The following DSCAML1 variants were observed in gnomAD, a reference collection of about 807,000 sequenced individuals.
The protein encoded by DSCAML1 is cell adhesion molecule DSCAML1.
Under a neutral mutation model 200.5 loss-of-function variants are expected in DSCAML1, and 38 were observed. That is an observed-to-expected ratio of 0.19 (90% CI 0.15 to 0.25). The LOEUF (loss-of-function observed/expected upper bound fraction) is 0.25, where lower values mean the gene tolerates loss of function less well. DSCAML1 is among the 10% of genes least tolerant of loss of function. The probability of loss-of-function intolerance (pLI) is 1.00; values close to 1 mark genes in which losing one functional copy is unlikely to be tolerated. For synonymous variants in DSCAML1, 1,215 were observed against 1,165.0 expected (o/e 1.04, Z -0.87); for missense variants, 2,223 against 2,858.8 (o/e 0.78, Z 5.07).
chr11:117,491,755 C>T (rs539039686), intron 11 of DSCAML1, among the ~76,000 whole-genome samples: 47 of 152,336 alleles, frequency 3.1e-4, no homozygotes, highest in Non-Finnish European at 6.0e-4. Flanking sequence ...GCCTGTACAA[C>T]AGAGTGAGAC....
At chr11:117,486,752 A>G (rs1199845848) in intron 11 of DSCAML1, among the ~76,000 whole-genome samples, 1 of 152,140 alleles carries the variant, frequency 6.6e-6, no homozygotes, top group East Asian at 1.9e-4. Flanking sequence ...TGCAGAGCCC[A>G]GATGAAGACC....
At chr11:117,457,237 G>T (rs566184040) in intron 19 of DSCAML1, among the ~76,000 whole-genome samples, 1 of 152,234 alleles carries the variant, frequency 6.6e-6, no homozygotes, top group African/African-American at 2.4e-5. Context: ...TTGGGCCCGG[G>T]CTCCTGCTGT....
intron 3 of DSCAML1, among the ~76,000 whole-genome samples, chr11:117,596,040 G>T (rs78144220): frequency 0.026 from 3,891 of 152,258 alleles, 78 homozygotes; most frequent in Non-Finnish European, 0.039. Context: ...AAACATTCCT[G>T]GGAAAGAGAT....
intron 3 of DSCAML1, among the ~76,000 whole-genome samples, chr11:117,560,769 T>C (rs2050647488): frequency 6.6e-6 from 1 of 152,186 alleles, no homozygotes. Context: ...TTAGGGGCAA[T>C]GGTTTTCATC....
Position 117,463,783 on chromosome 11 carries a change from G to A in DSCAML1, c.3265+1159C>T, listed in dbSNP as rs754318810. Among the ~76,000 whole-genome samples, 7 of 152,186 alleles carry A rather than the reference G, an allele frequency of 4.6e-5. No individual in the cohort carries two copies. Among genetic ancestry groups the A allele is most frequent in the Non-Finnish European group, 8.8e-5 (6 of 68,040 alleles). ...TCTCCCCTCTTCTCAGGTGCTCAGT[G>A]CTCTGGGGCTATTGAAGTCGGCCCC... is the stretch of plus-strand genomic sequence containing the variant. On this transcript the variant is annotated intron_variant, in intron 17 of 32. Coordinates refer to ENST00000651296, the MANE Select transcript of DSCAML1 (RefSeq NM_020693.4). The surrounding 1 kb of genome is among the most constrained non-coding windows in gnomAD (Gnocchi z 4.0).
In DSCAML1 at chr11:117,524,881, C is replaced by A. The variant is rs2049946924; in HGVS notation, c.861G>T (p.Glu287Asp). The part of the protein sequence containing the change: ...TGLTISDLRT[E>D]DSGTYICEVT... ...CCTCACAAATGTAGGTGCCGCTGTC[C>A]TCGGTCCGCAAGTCGCTGATGGTCA... The change falls in exon 5 of 33, where the codon GAG (glutamate) becomes GAT (aspartate). Residue 287 changes from glutamate to aspartate, a missense_variant. Physicochemically the swap from Glu to Asp is conservative, Grantham distance 45 (BLOSUM62 2). Transcript: ENST00000651296. 1 of 1,610,598 alleles carries A rather than the reference C, an allele frequency of 6.2e-7. No homozygotes were observed. The highest frequency in any genetic ancestry group is 1.7e-5 in the Admixed American group (1 of 59,552).
chr11:117,769,240 TTATATATG>T (rs1212413034), intron 3 of DSCAML1, among the ~76,000 whole-genome samples: 53,902 of 73,876 alleles, frequency 0.73, 19,529 homozygotes, highest in South Asian at 0.85. Flanking sequence ...ATTATATATT[TTATATATG>T]TATATATTAT....
In DSCAML1 at chr11:117,458,447, C is replaced by G. The variant is rs373409986; in HGVS notation, c.3568+307G>C. ...AAGCAGGCTGAATCTTGCAGGGGAGCAGATGCCACAGAAAGAATGCCCATG... is the reference window on the plus strand; with the variant it reads ...AAGCAGGCTGAATCTTGCAGGGGAGGAGATGCCACAGAAAGAATGCCCATG... On this transcript the variant is annotated intron_variant, in intron 19 of 32. Coordinates refer to ENST00000651296, the MANE Select transcript of DSCAML1 (RefSeq NM_020693.4). Among the ~76,000 whole-genome samples, 346 of 152,274 alleles carry G rather than the reference C, an allele frequency of 2.3e-3. 1 individual carries two copies. In the Middle Eastern group the frequency reaches 0.024, roughly 10 times the overall value.
At chr11:117,471,445 T>G in intron 15 of DSCAML1, among the ~76,000 whole-genome samples, 1 of 152,242 alleles carries the variant, frequency 6.6e-6, no homozygotes, top group East Asian at 1.9e-4. Context: ...GTGCTGTGAT[T>G]ACAGGCATAA....
chr11:117,650,160 C>T (rs939065107), intron 3 of DSCAML1, among the ~76,000 whole-genome samples: 2 of 152,168 alleles, frequency 1.3e-5, no homozygotes, highest in Non-Finnish European at 2.9e-5. Flanking sequence ...GTTCCCAGGC[C>T]CCGCCCTGTG....
chr11:117,812,397 A>G (rs2055768717), intron 1 of DSCAML1, among the ~76,000 whole-genome samples: 1 of 152,156 alleles, frequency 6.6e-6, no homozygotes, highest in South Asian at 2.1e-4. Context: ...CTTACAAGTT[A>G]GTTCAGGATC....
chr11:117,809,562 C>G (rs2055738800), intron 1 of DSCAML1, among the ~76,000 whole-genome samples: 1 of 152,228 alleles, frequency 6.6e-6, no homozygotes, highest in South Asian at 2.1e-4. Context: ...TCAAATTCTC[C>G]ACTACACAGG....
intron 3 of DSCAML1, among the ~76,000 whole-genome samples, chr11:117,636,778 G>C (rs1384717942): frequency 6.6e-6 from 1 of 152,148 alleles, no homozygotes; most frequent in Admixed American, 6.5e-5. Flanking sequence ...TTTGTAAACT[G>C]TGAATTTTAC....
At chr11:117,694,093 A>ATAT (rs1555199525) in intron 3 of DSCAML1, among the ~76,000 whole-genome samples, 1 of 146,372 alleles carries the variant, frequency 6.8e-6, no homozygotes, top group Non-Finnish European at 1.5e-5. Flanking sequence ...ATATATATAT[A>ATAT]TTTTTTAAAT....
intron 3 of DSCAML1, among the ~76,000 whole-genome samples, chr11:117,775,580 A>C (rs941892685): frequency 3.3e-5 from 5 of 152,042 alleles, no homozygotes; most frequent in Non-Finnish European, 7.4e-5. Context: ...ACTGAGTGTA[A>C]AAGGCAAATT....
At chr11:117,650,888 A>G (rs678327) in intron 3 of DSCAML1, among the ~76,000 whole-genome samples, 94,588 of 151,950 alleles carry the variant, frequency 0.62, 29,708 homozygotes, top group East Asian at 0.75. Flanking sequence ...GTTCAGAATC[A>G]CCCAAACAGG....
chr11:117,509,290 G>C (rs2049570866), intron 8 of DSCAML1, among the ~76,000 whole-genome samples: 1 of 152,152 alleles, frequency 6.6e-6, no homozygotes, highest in Non-Finnish European at 1.5e-5. Flanking sequence ...AGACGGAGGA[G>C]GCTGAGCCAA....
chr11:117,467,721 CAT>C (rs2048612398), intron 16 of DSCAML1, among the ~76,000 whole-genome samples: 1 of 151,788 alleles, frequency 6.6e-6, no homozygotes, highest in Non-Finnish European at 1.5e-5. Context: ...TAAGTGGACA[CAT>C]TTTTACATTT....
At chr11:117,682,024 C>T (rs1474682748) in intron 3 of DSCAML1, among the ~76,000 whole-genome samples, 2 of 152,202 alleles carry the variant, frequency 1.3e-5, no homozygotes, top group African/African-American at 2.4e-5. Flanking sequence ...GTCCTCTTAT[C>T]ACCTACAGAG....
Sources: allele counts gnomAD v4.1 joint callset (sites outside exome capture counted in the v4.1 genomes callset), GRCh38; gene constraint gnomAD v4.1.1; non-coding constraint Gnocchi (gnomAD v3.1); transcripts MANE v1.5; gene names NCBI Gene and HGNC (gene_info 2026-07-23, HGNC 2026-07-21).